The following PDCL2 variants were observed in gnomAD, a reference collection of about 807,000 sequenced individuals.
The protein encoded by PDCL2 is phosducin like 2, also known as phosducin-like protein 2.
A neutral mutation model predicts 30.3 loss-of-function variants in PDCL2; 23 were observed. That is an observed-to-expected ratio of 0.76 (90% CI 0.55 to 1.08). The LOEUF is 1.08. Among genes scored for constraint, PDCL2 ranks in the 50% least tolerant of loss-of-function variants. The pLI is 0.00. For synonymous variants in PDCL2, 68 were observed against 86.2 expected (o/e 0.79, Z 1.17); for missense variants, 243 against 282.3 (o/e 0.86, Z 1.00).
intron 4 of PDCL2, among the ~76,000 whole-genome samples, chr4:55,568,253 TAGA>T (rs1156347397): frequency 6.6e-6 from 1 of 152,180 alleles, no homozygotes; most frequent in African/African-American, 2.4e-5. Flanking sequence ...GACCTAAAGC[TAGA>T]AGGACTGAAC....
intron 5 of PDCL2, among the ~76,000 whole-genome samples, chr4:55,558,453 C>G (rs187641287): frequency 5.9e-5 from 9 of 152,246 alleles, no homozygotes; most frequent in African/African-American, 2.2e-4. Flanking sequence ...CGTTTGCTTC[C>G]CATTCTGCCA....
intron 4 of PDCL2, among the ~76,000 whole-genome samples, chr4:55,565,453 A>G (rs962330642): frequency 1.3e-5 from 2 of 152,174 alleles, no homozygotes; most frequent in African/African-American, 4.8e-5. Context: ...TCTTCTTCAC[A>G]TGTGGCAGCA....
chr4:55,581,822 G>A (rs1732720698), intron 2 of PDCL2, among the ~76,000 whole-genome samples: 1 of 152,142 alleles, frequency 6.6e-6, no homozygotes, highest in African/African-American at 2.4e-5. Flanking sequence ...TACTGCCTCA[G>A]CCTCCTGAGT....
chr4:55,592,028 T>C, intron 1 of PDCL2, 76 bp downstream of exon 1: 2 of 1,575,820 alleles, frequency 1.3e-6, no homozygotes, highest in South Asian at 2.3e-5. Context: ...CCCTCCCCAT[T>C]TGTGTCCCTT....
intron 3 of PDCL2, among the ~76,000 whole-genome samples, chr4:55,570,427 G>A (rs193263768): frequency 6.6e-6 from 1 of 152,278 alleles, no homozygotes; most frequent in East Asian, 1.9e-4. Flanking sequence ...GGTAGTAGAG[G>A]AGAGTGATTA....
rs373487678 is a variant in PDCL2 at position 55,582,224 on chromosome 4, T to C, written c.20A>G (p.Asp7Gly). The part of the protein sequence containing the change: MQDPNE[D>G]TEWNDILRDF... ...TCTTAAAATGTCATTCCATTCTGTA[T>C]CTTCATTGGGATCCTACACAAAAAG... is the stretch of plus-strand genomic sequence containing the variant. The change falls in exon 2 of 6, where the codon GAT becomes GGT. Residue 7 changes from aspartate to glycine, a missense_variant. Coordinates refer to ENST00000295645, the MANE Select transcript of PDCL2 (RefSeq NM_152401.3). 189 of 1,605,798 alleles carry C rather than the reference T, an allele frequency of 1.2e-4. No individual in the cohort carries two copies. The highest frequency in any genetic ancestry group is 1.6e-4 in the Non-Finnish European group (186 of 1,177,188).
rs182984154 is a variant in PDCL2 at position 55,558,036 on chromosome 4, G to A, written c.572-1325C>T. ...CTCAGGAGGCTGAGGCAGGAGAATC[G>A]CTTGAACCCAGGAGGCAGAGGTTGT... On this transcript the variant is annotated intron_variant, in intron 5 of 5. Transcript: ENST00000295645. 6.0e-4 allele frequency among the ~76,000 whole-genome samples: 90 copies of A among 150,238 alleles called. No individual in the cohort carries two copies. The East Asian group carries it at 6.8e-3, about 11-fold the overall frequency.
chr4:55,562,579 A>G lies in PDCL2; in HGVS notation c.396T>C (p.Leu132=). The part of the protein sequence containing the change: ...IPMCLLVNQH[L]SLLARKFPET... ...CTGGAAACTTTCTTGCTAGAAGACT[A>G]AGATGCTGGTTAACCAACAAACACA... Residue 132 remains leucine (L), a synonymous_variant, in exon 5 of 6, where the codon CTT becomes CTC. Coordinates refer to ENST00000295645, the MANE Select transcript of PDCL2 (RefSeq NM_152401.3). The G allele has an allele frequency of 1.2e-6, 2 of 1,600,880 alleles. No individual in the cohort carries two copies. The highest frequency in any genetic ancestry group is 8.5e-7 in the Non-Finnish European group (1 of 1,174,442).
intron 3 of PDCL2, among the ~76,000 whole-genome samples, chr4:55,570,495 T>C (rs1318334723): frequency 1.3e-5 from 2 of 152,330 alleles, no homozygotes; most frequent in Non-Finnish European, 2.9e-5. Context: ...CCAGTACTTG[T>C]TAATAGCATA....
In PDCL2 at chr4:55,590,653, ATTT is replaced by A. The variant is rs5858337; in HGVS notation, c.6+1448_6+1450del. On this transcript the variant is annotated intron_variant, in intron 1 of 5. Coordinates refer to ENST00000295645, the MANE Select transcript of PDCL2 (RefSeq NM_152401.3). ...AGGTATGTGCCACAATGTCCAGCTA[ATTT>A]TTTTTTTTTTGTATTTTTAGTAGAA... Among the ~76,000 whole-genome samples, 16 of 146,938 alleles carry A rather than the reference ATTT, an allele frequency of 1.1e-4. No homozygotes were observed. The South Asian group carries it at 1.3e-3, about 12-fold the overall frequency.
chr4:55,561,900 A>G (rs569205503), intron 5 of PDCL2, among the ~76,000 whole-genome samples: 125 of 152,330 alleles, frequency 8.2e-4, no homozygotes, highest in African/African-American at 2.9e-3. Flanking sequence ...AATATACACT[A>G]CAGAAATTCA....
In PDCL2 at chr4:55,582,107, A is replaced by G; in HGVS notation, c.127+10T>C. 6.2e-7 allele frequency: 1 copy of G among 1,612,224 alleles called. No individual in the cohort carries two copies. Among genetic ancestry groups the G allele is most frequent in the Middle Eastern group, 1.8e-4 (1 of 5,556 alleles). On this transcript the variant is annotated intron_variant, in intron 2 of 5. Coordinates refer to ENST00000295645, the MANE Select transcript of PDCL2 (RefSeq NM_152401.3). The stretch of plus-strand genomic sequence containing the variant: ...TCCCATCATCCAGCCCACCAAATCT[A>G]CGACCATACCCATTGCTTCTTTCTG...
At chr4:55,588,589 A>G (rs913740593) in intron 1 of PDCL2, among the ~76,000 whole-genome samples, 1 of 152,244 alleles carries the variant, frequency 6.6e-6, no homozygotes, top group Admixed American at 6.5e-5. Context: ...TGTCATGGGT[A>G]CATCCTTAAC....
intron 1 of PDCL2, among the ~76,000 whole-genome samples, chr4:55,591,006 T>C (rs1355411294): frequency 2.0e-5 from 3 of 152,224 alleles, no homozygotes; most frequent in East Asian, 1.9e-4. Flanking sequence ...TTGCCTTCAC[T>C]GTCAATTACA....
rs1221085369 is a variant in PDCL2 at position 55,590,196 on chromosome 4, C to CAAAAAA, written c.6+1902_6+1907dup. Among the ~76,000 whole-genome samples the CAAAAAA allele has an allele frequency of 6.7e-4, 25 of 37,072 alleles. 3 individuals carry two copies. The highest frequency in any genetic ancestry group is 0.031 in the Middle Eastern group (1 of 32). The allele number at this position is 37,072 out of a possible 152,430, so 24.3% of individuals were successfully genotyped here. On this transcript the variant is annotated intron_variant, in intron 1 of 5. Coordinates refer to ENST00000295645, the MANE Select transcript of PDCL2 (RefSeq NM_152401.3). ...TGGATGACAGAGCTAGGCTCTGTCT[C>CAAAAAA]AAAAAAAAAAAAAAAAAAAAAAAAA...
chr4:55,591,636 C>T (rs1490948797), intron 1 of PDCL2, among the ~76,000 whole-genome samples: 2 of 152,238 alleles, frequency 1.3e-5, no homozygotes, highest in East Asian at 3.9e-4. Context: ...CGCCCGCCTC[C>T]GCCTCCCAAA....
At chr4:55,561,412 A>G (rs13144358) in intron 5 of PDCL2, among the ~76,000 whole-genome samples, 151,593 of 152,206 alleles carry the variant, frequency 1, 75,496 homozygotes, top group Middle Eastern at 1. Flanking sequence ...AAATTACAAA[A>G]ATTAGCCAGG....
Position 55,556,708 on chromosome 4 carries a change from A to G in PDCL2, c.575T>C (p.Leu192Pro). ...TCCAACTTCTGCTAGCTTCCATTCA[A>G]GTTCTGTAATAAATAACCCATCATT... The part of the protein sequence containing the change: ...CGGINLKLEE[L>P]EWKLAEVGAI... The change falls in exon 6 of 6, where the codon CTT becomes CCT. Residue 192 changes from leucine (L) to proline (P), a missense_variant. Leu to Pro is a moderately conservative substitution (Grantham distance 98). Coordinates refer to ENST00000295645, the MANE Select transcript of PDCL2 (RefSeq NM_152401.3). The G allele has an allele frequency of 1.3e-6, 2 of 1,543,204 alleles. No individual in the cohort carries two copies. Among genetic ancestry groups the G allele is most frequent in the Non-Finnish European group, 1.7e-6 (2 of 1,144,994 alleles).
At chr4:55,562,056 A>T (rs921376341) in intron 5 of PDCL2, among the ~76,000 whole-genome samples, 1 of 137,362 alleles carries the variant, frequency 7.3e-6, no homozygotes, top group Non-Finnish European at 1.7e-5. Flanking sequence ...TGTGTAAAAA[A>T]AGTGTGATGG....
Sources: gnomAD v4.1 joint callset for allele counts (sites outside exome capture counted in the v4.1 genomes callset) on GRCh38, gnomAD v4.1.1 for gene constraint, MANE v1.5 for transcripts, NCBI Gene and HGNC (gene_info 2026-07-23, HGNC 2026-07-21) for gene names.